TFAP2D: variants seen among roughly 807,000 people sequenced by gnomAD.
The protein encoded by TFAP2D is transcription factor AP-2-delta.
A neutral mutation model predicts 43.6 loss-of-function variants in TFAP2D; 9 were observed. That is an observed-to-expected ratio of 0.21 (90% CI 0.12 to 0.36). The LOEUF is 0.36. Ranked by LOEUF, TFAP2D falls within the 10% of genes least tolerant of loss-of-function variation. The probability of loss-of-function intolerance (pLI) is 1.00; values close to 1 mark genes in which losing one functional copy is unlikely to be tolerated. For synonymous variants in TFAP2D, 256 were observed against 224.9 expected, an observed-to-expected ratio of 1.14 and a Z score of -1.24; for missense variants, 513 against 561.4, an observed-to-expected ratio of 0.91 and a Z score of 0.87.
chr6:50,719,043 A>T (rs202217887), intron 2 of TFAP2D, 47 bp from the exon 3 acceptor site: 1 of 1,581,796 alleles, frequency 6.3e-7, no homozygotes, highest in African/African-American at 1.4e-5. Context: ...GTGGTCATGC[A>T]TATGAGTATC....
intron 5 of TFAP2D, among the ~76,000 whole-genome samples, chr6:50,740,602 AT>A (rs34083239): frequency 1.3e-5 from 2 of 151,338 alleles, no homozygotes; most frequent in African/African-American, 4.9e-5. Flanking sequence ...CCAGCTAAAT[AT>A]TTTTTTTGTA....
At position 50,729,016 on chromosome 6, in the gene TFAP2D, G is replaced by T; in HGVS notation, c.759G>T (p.Leu253Phe). The T allele has an allele frequency of 6.2e-7, 1 of 1,613,596 alleles. No homozygotes were observed. Among genetic ancestry groups the T allele is most frequent in the Non-Finnish European group, 8.5e-7 (1 of 1,179,852 alleles). Residue 253 changes from leucine (L) to phenylalanine (F), a missense_variant, in exon 4 of 8, where the codon TTG (leucine) becomes TTT (phenylalanine). Transcript: ENST00000008391. Reference protein sequence around the residue: ...CLNASLLGGILRRAKSKNGGR... With the variant: ...CLNASLLGGIFRRAKSKNGGR... ...ATGCTTCACTCTTGGGAGGCATTTT[G>T]AGAAGGTAAGACAAAGCTATATTCT...
chr6:50,715,660 CT>C, intron 2 of TFAP2D, 47 bp downstream of exon 2: 5 of 1,534,318 alleles, frequency 3.3e-6, no homozygotes, highest in Non-Finnish European at 2.6e-6. Flanking sequence ...CCTCTTCGCC[CT>C]CCCCCTGCCG....
At chr6:50,741,986 A>C (rs1157139215) in intron 5 of TFAP2D, among the ~76,000 whole-genome samples, 1 of 152,142 alleles carries the variant, frequency 6.6e-6, no homozygotes, top group Non-Finnish European at 1.5e-5. Context: ...TATTTTCCCA[A>C]ATCAGTCAAA....
intron 7 of TFAP2D, among the ~76,000 whole-genome samples, chr6:50,756,126 G>T (rs533954360): frequency 1.3e-5 from 2 of 152,128 alleles, no homozygotes; most frequent in East Asian, 1.9e-4. Context: ...GCCTCCTAAA[G>T]TGCTGGATTA....
intron 7 of TFAP2D, among the ~76,000 whole-genome samples, chr6:50,754,125 A>T (rs1401896979): frequency 2.0e-5 from 3 of 151,778 alleles, no homozygotes; most frequent in African/African-American, 7.2e-5. Context: ...AACAACTCCC[A>T]TTCTTCTCCT....
chr6:50,759,637 C>T (rs1000819114), intron 7 of TFAP2D, among the ~76,000 whole-genome samples: 1 of 151,822 alleles, frequency 6.6e-6, no homozygotes, highest in Non-Finnish European at 1.5e-5. Context: ...GTTAATGTAC[C>T]CCTATAAAAA....
At chr6:50,742,714 A>G (rs1286765458) in intron 5 of TFAP2D, among the ~76,000 whole-genome samples, 1 of 152,160 alleles carries the variant, frequency 6.6e-6, no homozygotes, top group East Asian at 1.9e-4. Flanking sequence ...ATATTAATAC[A>G]TGTAACTTGA....
Position 50,713,938 on chromosome 6 carries a change from C to G in TFAP2D, c.-118C>G, listed in dbSNP as rs1768569647. 1.4e-6 allele frequency: 2 copies of G among 1,442,594 alleles called. No homozygotes were observed. The highest frequency in any genetic ancestry group is 1.9e-6 in the Non-Finnish European group (2 of 1,034,520). 89.4% of individuals were successfully genotyped at this position (1,442,594 alleles called of 1,614,324 possible). A position where few individuals can be genotyped will look rare whatever the true frequency, so the allele number is the denominator to read the frequency against. On this transcript the variant is annotated 5_prime_UTR_variant, in exon 1 of 8. Transcript: ENST00000008391. ...AAACCATTACAATTTAGATATCTAC[C>G]TATAGAACATTTTTTTTTTCCTTTA...
intron 5 of TFAP2D, among the ~76,000 whole-genome samples, chr6:50,737,072 C>T (rs565676642): frequency 1.3e-5 from 2 of 152,188 alleles, no homozygotes; most frequent in African/African-American, 4.8e-5. Context: ...CCTCTACCTC[C>T]TAGACTCAAG....
chr6:50,745,128 G>C lies in TFAP2D; in HGVS notation c.905G>C (p.Arg302Pro). Reference protein sequence around the residue: ...LVEGEALHLARDFGYTCETEF... With the variant: ...LVEGEALHLAPDFGYTCETEF... ...ACAGGGGAGGCTTTGCACTTGGCTCGGGATTTTGGCTACACTTGTGAAACA... is the reference window on the plus strand; with the variant it reads ...ACAGGGGAGGCTTTGCACTTGGCTCCGGATTTTGGCTACACTTGTGAAACA... Residue 302 changes from arginine (R) to proline (P), a missense_variant, in exon 6 of 8, where the codon CGG (arginine) becomes CCG (proline). Around this residue, in one of 3 missense-constraint regions of TFAP2D, gnomAD observed 199 missense variants for 227.9 expected, o/e 0.87. Transcript: ENST00000008391. 1 of 1,613,592 alleles carries C rather than the reference G, an allele frequency of 6.2e-7. No individual in the cohort carries two copies. Among genetic ancestry groups the C allele is most frequent in the Non-Finnish European group, 8.5e-7 (1 of 1,179,766 alleles).
chr6:50,745,872 C>A (rs1030186831), intron 6 of TFAP2D, among the ~76,000 whole-genome samples: 4 of 151,628 alleles, frequency 2.6e-5, no homozygotes, highest in Admixed American at 2.6e-4. Context: ...ATGAGGAAAA[C>A]GATGTAGACA....
intron 7 of TFAP2D, among the ~76,000 whole-genome samples, chr6:50,770,966 G>A (rs933535617): frequency 1.3e-5 from 2 of 152,132 alleles, no homozygotes; most frequent in African/African-American, 4.8e-5. Flanking sequence ...GACGTAGGAA[G>A]CAAACTGGTA....
At chr6:50,763,438 C>A (rs192035542) in intron 7 of TFAP2D, among the ~76,000 whole-genome samples, 2 of 152,108 alleles carry the variant, frequency 1.3e-5, no homozygotes, top group African/African-American at 2.4e-5. Context: ...ACTTTTCTTA[C>A]AGTATGTGGG....
chr6:50,772,666 G>T lies in TFAP2D; in HGVS notation c.1161G>T (p.Gly387=). Residue 387 remains glycine (G), a synonymous_variant, in exon 8 of 8, where the codon GGG becomes GGT. Transcript: ENST00000008391. ...THFSLITHGF[G]TPAICAALST... is the part of the protein sequence containing the mutation. ...CCAGTTTGATCACTCATGGCTTTGGGACTCCGGCAATATGTGCAGCTCTAA... is the reference window on the plus strand; with the variant it reads ...CCAGTTTGATCACTCATGGCTTTGGTACTCCGGCAATATGTGCAGCTCTAA... The T allele has an allele frequency of 6.2e-7, 1 of 1,613,918 alleles. No individual in the cohort carries two copies. Among genetic ancestry groups the T allele is most frequent in the Non-Finnish European group, 8.5e-7 (1 of 1,179,946 alleles).
At chr6:50,752,072 A>C (rs1369708614) in intron 7 of TFAP2D, among the ~76,000 whole-genome samples, 3 of 151,968 alleles carry the variant, frequency 2.0e-5, no homozygotes, top group Non-Finnish European at 4.4e-5. Flanking sequence ...CTGGTTTTCC[A>C]GAAGTATGTT....
At chr6:50,718,093 C>A (rs1426940102) in intron 2 of TFAP2D, 1 of 151,940 alleles carries the variant, frequency 6.6e-6, no homozygotes, top group African/African-American at 2.4e-5. Flanking sequence ...TTTCCCATCA[C>A]CGCTTTAATT....
intron 3 of TFAP2D, among the ~76,000 whole-genome samples, chr6:50,726,703 T>A (rs1174876063): frequency 2.0e-5 from 3 of 152,204 alleles, no homozygotes; most frequent in African/African-American, 7.2e-5. Flanking sequence ...CCTACCTTGC[T>A]TTCCTGTTCA....
rs925066695 is a variant in TFAP2D, at chr6:50,719,033, G to A, written c.538-57G>A. On this transcript the variant is annotated intron_variant, in intron 2 of 7. Transcript: ENST00000008391. Reference sequence around the variant, plus strand: ...GGCTAGTCTAAAAGACTTTACCTACGTGGTCATGCATATGAGTATCCATTT... The same window carrying A: ...GGCTAGTCTAAAAGACTTTACCTACATGGTCATGCATATGAGTATCCATTT... The A allele has an allele frequency of 1.4e-5, 22 of 1,535,112 alleles. No homozygotes were observed. The East Asian group carries it at 2.1e-4, about 14-fold the overall frequency.
Sources: allele counts gnomAD v4.1 joint callset (sites outside exome capture counted in the v4.1 genomes callset), GRCh38; gene constraint gnomAD v4.1.1; regional missense constraint gnomAD v4.1.1; transcripts MANE v1.5; gene names NCBI Gene and HGNC (gene_info 2026-07-23, HGNC 2026-07-21).